Variants in ADD1 observed in about 807,000 individuals in gnomAD.
ADD1 encodes the protein adducin 1.
Under a neutral mutation model 80.5 loss-of-function variants are expected in ADD1, and 24 were observed. The observed-to-expected ratio is 0.30, with a 90% confidence interval of 0.22 to 0.42. ADD1 has a LOEUF of 0.42. Among genes scored for constraint, ADD1 ranks in the 10% least tolerant of loss-of-function variants. ADD1 has a pLI of 1.00. For missense variants in ADD1, 948 were observed against 1,019.0 expected (o/e 0.93, Z 0.95); for synonymous variants, 373 against 393.8 (o/e 0.95, Z 0.63).
rs1427441757 is a variant in ADD1 at position 2,904,975 on chromosome 4, A to G, written c.1373A>G (p.Glu458Gly). The change falls in exon 10 of 16, where the codon GAG (glutamate) becomes GGG (glycine). Residue 458 changes from glutamate (E) to glycine (G), a missense_variant. Transcript: ENST00000683351. ...LNSGRGDEAS[E>G]EGQNGSSPKS... ...TCTGGCCGGGGCGACGAAGCTTCCGAGGAAGGGCAGAATGGAAGCAGTCCC... is the reference window on the plus strand; with the variant it reads ...TCTGGCCGGGGCGACGAAGCTTCCGGGGAAGGGCAGAATGGAAGCAGTCCC... The G allele has an allele frequency of 1.2e-6, 2 of 1,614,192 alleles. No homozygotes were observed. Among genetic ancestry groups the G allele is most frequent in the East Asian group, 4.5e-5 (2 of 44,882 alleles).
At chr4:2,881,424 C>T (rs1364512667) in intron 2 of ADD1, among the ~76,000 whole-genome samples, 3 of 152,076 alleles carry the variant, frequency 2.0e-5, no homozygotes, top group African/African-American at 4.8e-5. Flanking sequence ...TATGTATTTG[C>T]TGTAATAAGG....
intron 3 of ADD1, among the ~76,000 whole-genome samples, chr4:2,884,207 A>G (rs1732865686): frequency 6.6e-6 from 1 of 152,194 alleles, no homozygotes; most frequent in Non-Finnish European, 1.5e-5. Flanking sequence ...TTCTAACTTA[A>G]TTGTGTAAGT....
At chr4:2,914,741 C>G in intron 13 of ADD1, 143 bp from the exon 14 acceptor site, 10 of 883,630 alleles carry the variant, frequency 1.1e-5, no homozygotes. Flanking sequence ...TCAGCCTAGG[C>G]CTCGGGCCCA....
chr4:2,849,028 CAA>C (rs1369822040), intron 1 of ADD1, among the ~76,000 whole-genome samples: 5 of 152,148 alleles, frequency 3.3e-5, no homozygotes, highest in Non-Finnish European at 5.9e-5. Flanking sequence ...ATTGCCATGT[CAA>C]AGAGTAATTA....
Position 2,843,937 on chromosome 4 carries a change from A to ACGGGGG in ADD1, c.-104_-99dup, listed in dbSNP as rs1335884251. The ACGGGGG allele has an allele frequency of 6.5e-6, 1 of 153,050 alleles. No homozygotes were observed. Among genetic ancestry groups the ACGGGGG allele is most frequent in the Non-Finnish European group, 1.5e-5 (1 of 68,588 alleles). The allele number at this position is 153,050 out of a possible 1,614,324, so 9.5% of individuals were successfully genotyped here. ...GCGGGCCGCTGCTGCGGGCCAGGGGACGGGGGCGGAGCCGGAGCCGGAGCC... is the reference window on the plus strand; with the variant it reads ...GCGGGCCGCTGCTGCGGGCCAGGGGACGGGGGCGGGGGCGGAGCCGGAGCCGGAGCC... On this transcript the variant is annotated 5_prime_UTR_variant, in exon 1 of 16. Coordinates refer to ENST00000683351, the MANE Select transcript of ADD1 (RefSeq NM_001354761.2).
chr4:2,911,329 G>A (rs577667538), intron 13 of ADD1, among the ~76,000 whole-genome samples: 1 of 152,160 alleles, frequency 6.6e-6, no homozygotes, highest in East Asian at 1.9e-4. Flanking sequence ...GTTGCCTTCT[G>A]ATAGAAGAAG....
rs1293648919 is a variant in ADD1, at chr4:2,852,264, T to TC, written c.-21+8242dup. On this transcript the variant is annotated intron_variant, in intron 1 of 15. Coordinates refer to ENST00000683351, the MANE Select transcript of ADD1 (RefSeq NM_001354761.2). The stretch of plus-strand genomic sequence containing the variant: ...CTTTCTTTCTCTTTCTTTCTTTCCT[T>TC]CCTTCCTTCCTTCCTTCTTTTCTTT... Among the ~76,000 whole-genome samples the TC allele has an allele frequency of 2.0e-5, 3 of 148,858 alleles. No individual in the cohort carries two copies. In the East Asian group the frequency reaches 5.8e-4, roughly 29 times the overall value.
At chr4:2,844,593 G>A (rs898175476) in intron 1 of ADD1, 1 of 151,956 alleles carries the variant, frequency 6.6e-6, no homozygotes, top group African/African-American at 2.4e-5. Flanking sequence ...TTTTATTTTC[G>A]TTTTTTGGGA....
chr4:2,843,867 C>G lies in ADD1; in HGVS notation c.-178C>G, dbSNP rs1490665712. The G allele has an allele frequency of 2.0e-5, 3 of 152,338 alleles. No homozygotes were observed. Among genetic ancestry groups the G allele is most frequent in the African/African-American group, 4.8e-5 (2 of 41,386 alleles). The allele number at this position is 152,338 out of a possible 1,614,324, so 9.4% of individuals were successfully genotyped here. On this transcript the variant is annotated 5_prime_UTR_variant, in exon 1 of 16. Transcript: ENST00000683351. Reference sequence around the variant, plus strand: ...GCAGCGCCGCAGGCCGCACCCAGGTCGGGCGGTGGGGGCGAGCGGAGGGGC... The same window carrying G: ...GCAGCGCCGCAGGCCGCACCCAGGTGGGGCGGTGGGGGCGAGCGGAGGGGC...
chr4:2,893,928 G>T, intron 4 of ADD1, 85 bp from the exon 5 acceptor site: 1 of 1,313,150 alleles, frequency 7.6e-7, no homozygotes, highest in South Asian at 1.2e-5. Context: ...TCAGTGTTCT[G>T]AACAAACCCG....
At chr4:2,873,573 G>A (rs963358533) in intron 1 of ADD1, among the ~76,000 whole-genome samples, 3 of 152,168 alleles carry the variant, frequency 2.0e-5, no homozygotes, top group Non-Finnish European at 4.4e-5. Flanking sequence ...TCTTAAATAT[G>A]ATGGTTTTAC....
rs776008422 is a variant in ADD1 at position 2,928,368 on chromosome 4, C to G, written c.2245C>G (p.Pro749Ala). The G allele has an allele frequency of 1.7e-5, 28 of 1,613,462 alleles. No individual in the cohort carries two copies. The highest frequency in any genetic ancestry group is 2.2e-5 in the East Asian group (1 of 44,870). ...CCCCGAGCCAGCCCCAGACCCAGCC[C>G]CGGTGGCTGAAGAGGCTGCCCCCTC... ...ASPEPAPDPAPVAEEAAPSAV... is the reference protein window; with the variant it reads ...ASPEPAPDPAAVAEEAAPSAV... The change falls in exon 16 of 16, where the codon CCG (proline) becomes GCG (alanine). Residue 749 changes from proline (P) to alanine (A), a missense_variant. Coordinates refer to ENST00000683351, the MANE Select transcript of ADD1 (RefSeq NM_001354761.2).
At chr4:2,862,408 A>G (rs1728943635) in intron 1 of ADD1, among the ~76,000 whole-genome samples, 1 of 152,208 alleles carries the variant, frequency 6.6e-6, no homozygotes, top group African/African-American at 2.4e-5. Context: ...GCCTCTTTTT[A>G]TCTTTGCTTA....
rs1290130900 is a variant in ADD1, at chr4:2,929,725, G to C, written c.*1202G>C. On this transcript the variant is annotated 3_prime_UTR_variant, in exon 16 of 16. Coordinates refer to ENST00000683351, the MANE Select transcript of ADD1 (RefSeq NM_001354761.2). ...CGAGCCACCTCGGATCCCACTGATTGGCCAGCCGAGCGAGAACCAGGCTGC... is the reference window on the plus strand; with the variant it reads ...CGAGCCACCTCGGATCCCACTGATTCGCCAGCCGAGCGAGAACCAGGCTGC... 6.6e-6 allele frequency: 1 copy of C among 152,364 alleles called. No homozygotes were observed. Among genetic ancestry groups the C allele is most frequent in the Non-Finnish European group, 1.5e-5 (1 of 68,060 alleles). The allele number at this position is 152,364 out of a possible 1,614,324, so 9.4% of individuals were successfully genotyped here. A position where few individuals can be genotyped will look rare whatever the true frequency, so the allele number is the denominator to read the frequency against.
At position 2,926,671 on chromosome 4, in the gene ADD1, C is replaced by T; in HGVS notation, c.2047+559C>T. 1.2e-6 allele frequency: 2 copies of T among 1,613,874 alleles called. No individual in the cohort carries two copies. Among genetic ancestry groups the T allele is most frequent in the Middle Eastern group, 1.7e-4 (1 of 6,058 alleles). On this transcript the variant is annotated intron_variant, in intron 15 of 15. Coordinates refer to ENST00000683351, the MANE Select transcript of ADD1 (RefSeq NM_001354761.2). The surrounding 1 kb of genome is among the most constrained non-coding windows in gnomAD (Gnocchi z 5.0). ...CGGATGCGCTAGAGAGTACCTGTTA[C>T]CCTAGTAAGTACCGTGCTGCCTCCG... is the stretch of plus-strand genomic sequence containing the variant.
chr4:2,881,845 G>C, intron 2 of ADD1, 53 bp from the exon 3 acceptor site: 2 of 1,512,000 alleles, frequency 1.3e-6, no homozygotes, highest in Non-Finnish European at 1.8e-6. Context: ...CTGACCCCCT[G>C]CCCAAGGAAC....
At chr4:2,852,311 T>C (rs867023181) in intron 1 of ADD1, among the ~76,000 whole-genome samples, 21 of 139,734 alleles carry the variant, frequency 1.5e-4, no homozygotes, top group African/African-American at 4.0e-4. Context: ...CTTTTCTTTT[T>C]TTTCTTTTCT....
rs953970779 is a variant in ADD1, at chr4:2,907,940, G to C, written c.1608+96G>C. The C allele has an allele frequency of 4.1e-4, 383 of 933,540 alleles. 1 individual carries two copies. The highest frequency in any genetic ancestry group is 3.2e-4 in the Middle Eastern group (1 of 3,126). 57.8% of individuals were successfully genotyped at this position (933,540 alleles called of 1,614,324 possible). ...GAGCGGGTGCTTGCTTCTAGCAGAG[G>C]GCATCTGCTGTTGTTGCCACTGTTG... On this transcript the variant is annotated intron_variant, in intron 11 of 15. Transcript: ENST00000683351.
At chr4:2,884,486 T>C (rs1732917936) in intron 3 of ADD1, 29 bp from the exon 4 acceptor site, 1 of 1,578,896 alleles carries the variant, frequency 6.3e-7, no homozygotes. Flanking sequence ...CCACTGCACC[T>C]GGCTGAGTTT....
Sources: gnomAD v4.1 joint callset for allele counts (sites outside exome capture counted in the v4.1 genomes callset) on GRCh38, gnomAD v4.1.1 for gene constraint, Gnocchi (gnomAD v3.1) non-coding constraint, MANE v1.5 for transcripts, NCBI Gene and HGNC (gene_info 2026-07-23, HGNC 2026-07-21) for gene names.